The following DACH2 variants were observed in gnomAD, a reference collection of about 807,000 sequenced individuals.
DACH2 encodes the protein dachshund homolog 2.
In DACH2, 17 loss-of-function variants were observed where a neutral mutation model predicts 35.8. The ratio of observed to expected loss-of-function variants is 0.48; its 90% CI spans 0.33 to 0.71. The LOEUF (loss-of-function observed/expected upper bound fraction) is 0.71. Ranked by LOEUF, DACH2 falls within the 30% of genes least tolerant of loss-of-function variation. The pLI is 0.02. For missense variants in DACH2, 469 were observed against 472.7 expected, an observed-to-expected ratio of 0.99 and a Z score of 0.07; for synonymous variants, 195 against 177.3, an observed-to-expected ratio of 1.10 and a Z score of -0.79.
rs779740550 is a variant in DACH2, at chrX:86,620,934, T to A, written c.641-30102T>A. On this transcript the variant is annotated intron_variant, in intron 3 of 11. Coordinates refer to ENST00000373125, the MANE Select transcript of DACH2 (RefSeq NM_053281.3). ...GAGTCCTTAATCTTTGTGATTGACA[T>A]CCCTCTTTTTAGAAGCTAGTGTGAC... Among the ~76,000 whole-genome samples the A allele has an allele frequency of 9.8e-4, 110 of 111,754 alleles. 1 individual carries two copies. Among genetic ancestry groups the A allele is most frequent in the Non-Finnish European group, 1.8e-3 (98 of 53,114 alleles).
chrX:86,297,715 A>G (rs148970661), intron 1 of DACH2, among the ~76,000 whole-genome samples: 2,901 of 112,214 alleles, frequency 0.026, 50 homozygotes, highest in Non-Finnish European at 0.04. Context: ...TCTTATTGTT[A>G]TCAGAAGTAC....
chrX:86,340,037 C>A (rs2035387087), intron 1 of DACH2, among the ~76,000 whole-genome samples: 1 of 111,780 alleles, frequency 8.9e-6, no homozygotes, highest in South Asian at 3.7e-4. Flanking sequence ...CTTTTGAAAT[C>A]TTTATATCTC....
chrX:86,545,253 A>T (rs2038941439), intron 3 of DACH2, among the ~76,000 whole-genome samples: 1 of 112,153 alleles, frequency 8.9e-6, no homozygotes, highest in Non-Finnish European at 1.9e-5. Context: ...CCTTTGTAGT[A>T]ACATGGATGG....
chrX:86,699,208 A>G lies in DACH2; in HGVS notation c.931+4029A>G, dbSNP rs376812132. On this transcript the variant is annotated intron_variant, in intron 5 of 11. Transcript: ENST00000373125. ...TTAAACTGAACTCTAGAACAAACGG[A>G]CCTAAAAGTATTTACAGAACATTTT... Among the ~76,000 whole-genome samples the G allele has an allele frequency of 4.5e-5, 5 of 111,917 alleles. No homozygotes were observed. The East Asian group carries it at 1.4e-3, about 32-fold the overall frequency.
intron 3 of DACH2, among the ~76,000 whole-genome samples, chrX:86,532,759 T>A (rs1288126354): frequency 9.0e-6 from 1 of 111,454 alleles, no homozygotes; most frequent in African/African-American, 3.3e-5. Context: ...TTAGGTTTAT[T>A]CATAATAAGC....
At chrX:86,167,669 G>A (rs901086373) in intron 1 of DACH2, among the ~76,000 whole-genome samples, 1 of 110,690 alleles carries the variant, frequency 9.0e-6, no homozygotes, top group African/African-American at 3.3e-5. Flanking sequence ...CTTTTTTGAT[G>A]TACGCACTTA....
At chrX:86,617,253 T>G (rs1372053478) in intron 3 of DACH2, among the ~76,000 whole-genome samples, 1 of 111,446 alleles carries the variant, frequency 9.0e-6, no homozygotes, top group Non-Finnish European at 1.9e-5. Flanking sequence ...AGGCTCTTTT[T>G]TTTGTTGTTG....
At chrX:86,441,509 GTGTGTGTA>G (rs995667334) in intron 2 of DACH2, among the ~76,000 whole-genome samples, 1 of 103,080 alleles carries the variant, frequency 9.7e-6, no homozygotes, top group African/African-American at 4.0e-5. Context: ...GTGTGTGTGT[GTGTGTGTA>G]TACACCACAT....
intron 2 of DACH2, among the ~76,000 whole-genome samples, chrX:86,465,762 A>C (rs993765882): frequency 2.7e-5 from 3 of 112,118 alleles, no homozygotes; most frequent in African/African-American, 9.7e-5. Context: ...AGTAGATTAC[A>C]AATATGGATA....
intron 1 of DACH2, among the ~76,000 whole-genome samples, chrX:86,252,491 T>A (rs1346856002): frequency 9.0e-6 from 1 of 111,432 alleles, no homozygotes; most frequent in African/African-American, 3.3e-5. Context: ...AAATTTAAGT[T>A]CTTGATCGAT....
At chrX:86,307,954 TA>T (rs1043175996) in intron 1 of DACH2, among the ~76,000 whole-genome samples, 1 of 111,580 alleles carries the variant, frequency 9.0e-6, no homozygotes, top group African/African-American at 3.3e-5. Context: ...CTCAGGGAGT[TA>T]AAAAAAGGTT....
intron 3 of DACH2, among the ~76,000 whole-genome samples, chrX:86,597,465 A>T (rs1444761818): frequency 9.0e-6 from 1 of 111,452 alleles, no homozygotes; most frequent in Non-Finnish European, 1.9e-5. Context: ...ATTTCCTTAT[A>T]TTTCCTAAAT....
chrX:86,241,285 A>G (rs865846946), intron 1 of DACH2, among the ~76,000 whole-genome samples: 3 of 112,098 alleles, frequency 2.7e-5, no homozygotes, highest in Middle Eastern at 4.6e-3. Context: ...TGAGGAACCT[A>G]TTGAAAACTG....
chrX:86,637,295 G>A (rs67862963), intron 3 of DACH2, among the ~76,000 whole-genome samples: 12,507 of 97,412 alleles, frequency 0.13, 740 homozygotes, highest in East Asian at 0.33. Context: ...TATACTGTTG[G>A]TTGGTGTGTA....
At chrX:86,341,455 G>A (rs2035411088) in intron 1 of DACH2, among the ~76,000 whole-genome samples, 1 of 111,950 alleles carries the variant, frequency 8.9e-6, no homozygotes, top group African/African-American at 3.2e-5. Context: ...GGAAAAAAAA[G>A]GATTTCTTTC....
chrX:86,308,327 C>A (rs2034730409), intron 1 of DACH2, among the ~76,000 whole-genome samples: 1 of 112,546 alleles, frequency 8.9e-6, no homozygotes, highest in Admixed American at 9.4e-5. Flanking sequence ...GTGGCAGAGG[C>A]CAAGTGGCAG....
intron 5 of DACH2, among the ~76,000 whole-genome samples, chrX:86,697,856 A>T (rs751304969): frequency 1.2e-4 from 13 of 111,575 alleles, no homozygotes; most frequent in Non-Finnish European, 1.7e-4. Context: ...AAAATAACAG[A>T]ATAGACTAAG....
At chrX:86,272,930 T>A (rs2033842132) in intron 1 of DACH2, among the ~76,000 whole-genome samples, 1 of 111,367 alleles carries the variant, frequency 9.0e-6, no homozygotes, top group Admixed American at 9.6e-5. Flanking sequence ...GTAGTTATGT[T>A]TTTGGGAGGA....
chrX:86,630,842 A>T (rs2040192791), intron 3 of DACH2, among the ~76,000 whole-genome samples: 1 of 111,023 alleles, frequency 9.0e-6, no homozygotes, highest in Non-Finnish European at 1.9e-5. Context: ...AGACACCTGA[A>T]GTGCCTGTTA....
Sources: gnomAD v4.1 joint callset for allele counts (sites outside exome capture counted in the v4.1 genomes callset) on GRCh38, gnomAD v4.1.1 for gene constraint, MANE v1.5 for transcripts, NCBI Gene and HGNC (gene_info 2026-07-23, HGNC 2026-07-21) for gene names.